ERMARD: variants seen among roughly 807,000 people sequenced by gnomAD.
ERMARD encodes endoplasmic reticulum membrane-associated RNA degradation protein.
Under a neutral mutation model 83.9 loss-of-function variants are expected in ERMARD, and 71 were observed. The observed-to-expected ratio is 0.85, with a 90% CI of 0.70 to 1.03. The LOEUF is 1.03. Ranked by LOEUF, ERMARD falls within the 50% of genes least tolerant of loss-of-function variation. The probability of loss-of-function intolerance (pLI) is 0.00; values close to 1 mark genes in which losing one functional copy is unlikely to be tolerated. For missense variants in ERMARD, 838 were observed against 810.9 expected, an observed-to-expected ratio of 1.03 and a Z score of -0.41; for synonymous variants, 284 against 298.6, an observed-to-expected ratio of 0.95 and a Z score of 0.50.
chr6:169,761,178 T>C (rs1431518221), intron 8 of ERMARD, among the ~76,000 whole-genome samples: 1 of 152,198 alleles, frequency 6.6e-6, no homozygotes, highest in Non-Finnish European at 1.5e-5. Context: ...TCATTCATTT[T>C]TATGCCTTGA....
intron 9 of ERMARD, among the ~76,000 whole-genome samples, chr6:169,765,607 CAG>C (rs1400002437): frequency 4.6e-5 from 7 of 152,120 alleles, no homozygotes; most frequent in Admixed American, 1.3e-4. Context: ...ATTTAGAACT[CAG>C]AGGGAATTTT....
chr6:169,756,969 A>G lies in ERMARD; in HGVS notation c.507+161A>G, dbSNP rs568001806. Among the ~76,000 whole-genome samples the G allele has an allele frequency of 2.6e-5, 4 of 152,324 alleles. No homozygotes were observed. In the South Asian group the frequency reaches 8.3e-4, roughly 32 times the overall value. On this transcript the variant is annotated intron_variant, in intron 5 of 17. Transcript: ENST00000366773. ...ATGGCAGGAGGAGAAAGACATTTCT[A>G]ACAGGGCGGCAGCAAGGGAAAAATG... is the stretch of plus-strand genomic sequence containing the variant.
rs1405313828 is a variant in ERMARD at position 169,753,900 on chromosome 6, C to T, written c.43C>T (p.Pro15Ser). 1.2e-6 allele frequency: 2 copies of T among 1,607,664 alleles called. No homozygotes were observed. The highest frequency in any genetic ancestry group is 8.5e-7 in the Non-Finnish European group (1 of 1,176,532). Residue 15 changes from proline (P) to serine (S), a missense_variant, in exon 2 of 18, where the codon CCC (proline) becomes TCC (serine). Transcript: ENST00000366773. ...GGACCCTATTACCACATGTCTTTCT[C>T]CCTCAGTGTATGATATAATTTGTAA... ...IGDPITTCLS[P>S]SVYDIICNLG...
intron 15 of ERMARD, 178 bp downstream of exon 15, chr6:169,776,243 A>T: frequency 6.5e-7 from 1 of 1,532,080 alleles, no homozygotes; most frequent in Non-Finnish European, 8.9e-7. Flanking sequence ...CAAGCTTGGC[A>T]CATCTGATGA....
At chr6:169,779,086 C>T (rs750770490) in intron 16 of ERMARD, 96 bp from the exon 17 acceptor site, 2 of 1,065,150 alleles carry the variant, frequency 1.9e-6, no homozygotes, top group East Asian at 4.8e-5. Flanking sequence ...GAAGTTGGGA[C>T]TTAAGGATGT....
At chr6:169,775,900 TTTAA>T (rs776924185) in intron 14 of ERMARD, 36 bp from the exon 15 acceptor site, 2 of 1,609,838 alleles carry the variant, frequency 1.2e-6, no homozygotes, top group Non-Finnish European at 1.7e-6. Flanking sequence ...ATGTGAGCAC[TTTAA>T]TTGTCACGTA....
chr6:169,776,087 C>G (rs1469253360), intron 15 of ERMARD, 22 bp downstream of exon 15: 5 of 1,609,678 alleles, frequency 3.1e-6, no homozygotes, highest in Non-Finnish European at 4.2e-6. Flanking sequence ...GACATCCTGA[C>G]AACTGTTGAA....
In ERMARD at chr6:169,769,611, C is replaced by T. The variant is rs778801668; in HGVS notation, c.1131C>T (p.Ile377=). ...GAGATCATTTAAGCCACGGGGAGAT[C>T]AACTTACATGAATTTTCAAAAGAAA... is the stretch of plus-strand genomic sequence containing the variant. ...RIRDHLSHGE[I]NLHEFSKETT... The change falls in exon 12 of 18, where the codon ATC becomes ATT. Residue 377 remains isoleucine, a synonymous_variant. Transcript: ENST00000366773. 1.2e-6 allele frequency: 2 copies of T among 1,613,306 alleles called. No individual in the cohort carries two copies. The highest frequency in any genetic ancestry group is 1.7e-5 in the Admixed American group (1 of 59,900).
At chr6:169,768,471 A>T (rs1415160192) in intron 11 of ERMARD, among the ~76,000 whole-genome samples, 2 of 152,248 alleles carry the variant, frequency 1.3e-5, no homozygotes, top group Non-Finnish European at 2.9e-5. Flanking sequence ...TAAATGCAAC[A>T]GTTAGGCCGG....
At position 169,775,976 on chromosome 6, in the gene ERMARD, T is replaced by G. The variant is rs746789671; in HGVS notation, c.1431T>G (p.Ser477=). 8 of 1,614,182 alleles carry G rather than the reference T, an allele frequency of 5.0e-6. No homozygotes were observed. The highest frequency in any genetic ancestry group is 6.8e-6 in the Non-Finnish European group (8 of 1,180,040). ...EDNSETNACH[S]LITKMTDELY... Reference sequence around the variant, plus strand: ...ATTCTGAAACAAATGCCTGCCACTCTTTGATTACAAAAATGACGGATGAGC... The same window carrying G: ...ATTCTGAAACAAATGCCTGCCACTCGTTGATTACAAAAATGACGGATGAGC... Residue 477 remains serine, a synonymous_variant, in exon 15 of 18, where the codon TCT becomes TCG. Transcript: ENST00000366773.
intron 1 of ERMARD, chr6:169,751,962 C>G: frequency 2.3e-6 from 1 of 429,984 alleles, no homozygotes; most frequent in East Asian, 3.9e-5. Flanking sequence ...TGCGCGGTGG[C>G]GCGGGGGCGG....
chr6:169,781,222 T>G, intron 17 of ERMARD, 108 bp from the exon 18 acceptor site: 3 of 968,486 alleles, frequency 3.1e-6, no homozygotes, highest in Non-Finnish European at 4.5e-6. Context: ...CAGACATAAA[T>G]TAACTGCAGT....
At chr6:169,775,001 C>A (rs1793412454) in intron 13 of ERMARD, among the ~76,000 whole-genome samples, 1 of 152,026 alleles carries the variant, frequency 6.6e-6, no homozygotes, top group South Asian at 2.1e-4. Flanking sequence ...TTGGTGGGGG[C>A]CTCCCTCTCA....
In ERMARD at chr6:169,757,685, G is replaced by T. The variant is rs928961755; in HGVS notation, c.507+877G>T. On this transcript the variant is annotated intron_variant, in intron 5 of 17. Transcript: ENST00000366773. ...GGTCAAGATGGAGAAACCCAGAAGA[G>T]CCTTGTGTGGAAGCTGTGCTTGCCA... Among the ~76,000 whole-genome samples, 5 of 152,220 alleles carry T rather than the reference G, an allele frequency of 3.3e-5. No homozygotes were observed. In the East Asian group the frequency reaches 7.7e-4, roughly 23 times the overall value.
chr6:169,779,857 G>A (rs1013535706), intron 17 of ERMARD, among the ~76,000 whole-genome samples: 1 of 152,216 alleles, frequency 6.6e-6, no homozygotes, highest in Non-Finnish European at 1.5e-5. Context: ...GTCTGAAGTA[G>A]TGTGACACTT....
chr6:169,769,828 G>C (rs1328854245), intron 12 of ERMARD, 115 bp downstream of exon 12: 15 of 959,226 alleles, frequency 1.6e-5, no homozygotes, highest in Non-Finnish European at 1.9e-5. Flanking sequence ...CTGAGTTACA[G>C]TATCCTCCAT....
At chr6:169,780,511 G>A (rs6459664) in intron 17 of ERMARD, among the ~76,000 whole-genome samples, 43,381 of 152,108 alleles carry the variant, frequency 0.29, 7,878 homozygotes, top group African/African-American at 0.51. Context: ...GAGTGACCCC[G>A]CTGTTAACAT....
intron 15 of ERMARD, 127 bp from the exon 16 acceptor site, chr6:169,776,328 C>T: frequency 6.4e-7 from 1 of 1,552,538 alleles, no homozygotes; most frequent in Non-Finnish European, 8.7e-7. Context: ...ACGGTTGTCC[C>T]TGCAGACCAA....
chr6:169,781,452 G>A lies in ERMARD; in HGVS notation c.1976G>A (p.Ser659Asn), dbSNP rs117593791. 2 of 1,611,698 alleles carry A rather than the reference G, an allele frequency of 1.2e-6. No individual in the cohort carries two copies. The highest frequency in any genetic ancestry group is 1.7e-6 in the Non-Finnish European group (2 of 1,179,184). The change falls in exon 18 of 18, where the codon AGT becomes AAT. Residue 659 changes from serine (S) to asparagine (N), a missense_variant. Coordinates refer to ENST00000366773, the MANE Select transcript of ERMARD (RefSeq NM_018341.3). ...HTALLKMWTFSEKKQMLIHLA... is the reference protein window; with the variant it reads ...HTALLKMWTFNEKKQMLIHLA... ...GCTTTGTTGAAAATGTGGACTTTTAGTGAGAAGAAACAAATGTTAATACAT... is the reference window on the plus strand; with the variant it reads ...GCTTTGTTGAAAATGTGGACTTTTAATGAGAAGAAACAAATGTTAATACAT...
Sources: allele counts gnomAD v4.1 joint callset (sites outside exome capture counted in the v4.1 genomes callset), GRCh38; gene constraint gnomAD v4.1.1; transcripts MANE v1.5; gene names NCBI Gene and HGNC (gene_info 2026-07-23, HGNC 2026-07-21).